Variants in SUCO observed in about 807,000 individuals in gnomAD.
The protein encoded by SUCO is SUN domain containing ossification factor.
A neutral mutation model predicts 148.1 loss-of-function variants in SUCO; 57 were observed. That is an observed-to-expected ratio of 0.38 (90% CI 0.31 to 0.48). SUCO has a LOEUF of 0.48. Among genes scored for constraint, SUCO ranks in the 20% least tolerant of loss-of-function variants. The pLI, the probability that SUCO is intolerant of heterozygous loss-of-function variation, is 0.96. For missense variants in SUCO, 1,331 were observed against 1,468.2 expected (o/e 0.91, Z 1.53); for synonymous variants, 470 against 502.7 (o/e 0.93, Z 0.87).
intron 11 of SUCO, among the ~76,000 whole-genome samples, chr1:172,576,030 A>G (rs1359314434): frequency 6.6e-6 from 1 of 151,870 alleles, no homozygotes; most frequent in Non-Finnish European, 1.5e-5. Flanking sequence ...ACGTCCACTT[A>G]TTTGGCATTG....
Position 172,600,081 on chromosome 1 carries a change from A to G in SUCO, c.2931A>G (p.Glu977=). 1.2e-6 allele frequency: 2 copies of G among 1,605,466 alleles called. No individual in the cohort carries two copies. Among genetic ancestry groups the G allele is most frequent in the Non-Finnish European group, 1.7e-6 (2 of 1,178,050 alleles). ...TATCATAGGATCAGCGGCAAACTGA[A>G]GCCATCCAGTTGCTACAGGCACAGC... The part of the protein sequence containing the change: ...IAEEQDQRQT[E]AIQLLQAQLT... Residue 977 remains glutamate (E), a synonymous_variant, in exon 20 of 24, where the codon GAA becomes GAG. Transcript: ENST00000263688.
At chr1:172,564,605 CTT>C (rs57265081) in intron 6 of SUCO, among the ~76,000 whole-genome samples, 4,662 of 144,564 alleles carry the variant, frequency 0.032, 214 homozygotes, top group African/African-American at 0.11. Flanking sequence ...TTCAGTTAAA[CTT>C]TTTTTTTTTT....
rs539577143 is a variant in SUCO, at chr1:172,579,968, G to A, written c.1498+701G>A. Among the ~76,000 whole-genome samples the A allele has an allele frequency of 3.9e-5, 6 of 152,068 alleles. No individual in the cohort carries two copies. The South Asian group carries it at 1.0e-3, about 26-fold the overall frequency. Reference sequence around the variant, plus strand: ...AATAAAAACAAATCTTAGTAAAATCGAAGACTAGTTGCGTGTGCTTGTCAC... The same window carrying A: ...AATAAAAACAAATCTTAGTAAAATCAAAGACTAGTTGCGTGTGCTTGTCAC... On this transcript the variant is annotated intron_variant, in intron 15 of 23. Coordinates refer to ENST00000263688, the MANE Select transcript of SUCO (RefSeq NM_014283.5).
intron 1 of SUCO, among the ~76,000 whole-genome samples, chr1:172,534,048 G>A (rs1651832157): frequency 6.6e-6 from 1 of 152,218 alleles, no homozygotes; most frequent in South Asian, 2.1e-4. Flanking sequence ...GGGCGTGTGT[G>A]TATGTGTGTT....
At chr1:172,557,571 A>G in intron 5 of SUCO, 73 bp from the exon 6 acceptor site, 1 of 1,480,856 alleles carries the variant, frequency 6.8e-7, no homozygotes, top group Non-Finnish European at 9.1e-7. Context: ...CATGAGTTCA[A>G]AGAATTTAGA....
chr1:172,540,825 T>A (rs1652397038), intron 1 of SUCO, among the ~76,000 whole-genome samples: 1 of 152,110 alleles, frequency 6.6e-6, no homozygotes, highest in South Asian at 2.1e-4. Context: ...GAGTTATGAA[T>A]GGAAGAGATA....
At chr1:172,590,370 T>G (rs879780673) in intron 18 of SUCO, 42 of 985,106 alleles carry the variant, frequency 4.3e-5, no homozygotes, top group Non-Finnish European at 4.9e-5. Flanking sequence ...TGGGCACATT[T>G]GCAGTTTGCT....
chr1:172,559,415 T>C (rs1031390017), intron 6 of SUCO, among the ~76,000 whole-genome samples: 13 of 152,314 alleles, frequency 8.5e-5, no homozygotes, highest in East Asian at 7.7e-4. Context: ...ATTTTCTCAA[T>C]GTATCTGATG....
intron 18 of SUCO, among the ~76,000 whole-genome samples, chr1:172,590,718 G>T (rs1490481602): frequency 6.6e-6 from 1 of 152,150 alleles, no homozygotes; most frequent in Non-Finnish European, 1.5e-5. Flanking sequence ...TCATGTGTGT[G>T]TGTGTGTTCA....
chr1:172,557,212 G>A, intron 4 of SUCO, 68 bp from the exon 5 acceptor site: 1 of 1,534,000 alleles, frequency 6.5e-7, no homozygotes, highest in Non-Finnish European at 8.8e-7. Flanking sequence ...ATCACTAATA[G>A]TGTTTTTAAT....
chr1:172,591,113 C>T (rs964873883), intron 19 of SUCO, 42 bp downstream of exon 19: 6 of 1,467,878 alleles, frequency 4.1e-6, no homozygotes, highest in Non-Finnish European at 4.7e-6. Context: ...TATAAATTTC[C>T]ACTGAATTCT....
In SUCO at chr1:172,589,790, C is replaced by T; in HGVS notation, c.2689C>T (p.Leu897=). Residue 897 remains leucine (L), a synonymous_variant, in exon 18 of 24, where the codon CTA becomes TTA. Coordinates refer to ENST00000263688, the MANE Select transcript of SUCO (RefSeq NM_014283.5). ...FYAELQNSTD[L]GYANGNLVHG... ...TGCTGAATTGCAAAATTCTACAGAT[C>T]TAGGATATGCTAATGGAAATCTTGT... The T allele has an allele frequency of 6.2e-7, 1 of 1,612,020 alleles. No individual in the cohort carries two copies. The highest frequency in any genetic ancestry group is 8.5e-7 in the Non-Finnish European group (1 of 1,179,264).
chr1:172,599,335 A>T (rs1485482276), intron 19 of SUCO: 29 of 430,732 alleles, frequency 6.7e-5, no homozygotes, highest in Middle Eastern at 1.1e-3. Flanking sequence ...TCTCAAAAAA[A>T]AATAAAAGTT....
chr1:172,574,268 C>G (rs1349598571), intron 10 of SUCO, among the ~76,000 whole-genome samples: 1 of 152,014 alleles, frequency 6.6e-6, no homozygotes, highest in South Asian at 2.1e-4. Flanking sequence ...GTGCCTTGCC[C>G]AGGTCACATG....
chr1:172,551,724 TA>T (rs1653314778), intron 2 of SUCO, 98 bp downstream of exon 2: 1 of 733,500 alleles, frequency 1.4e-6, no homozygotes, highest in Non-Finnish European at 2.2e-6. Flanking sequence ...TGCCATGCCA[TA>T]ATTTTTGGTG....
intron 1 of SUCO, among the ~76,000 whole-genome samples, chr1:172,543,846 A>G (rs547662676): frequency 8.5e-5 from 13 of 152,180 alleles, no homozygotes; most frequent in South Asian, 4.1e-4. Flanking sequence ...CTATTAGCAG[A>G]TAGACCAAGC....
intron 9 of SUCO, among the ~76,000 whole-genome samples, chr1:172,571,644 A>AGGAAG (rs1405782299): frequency 2.2e-4 from 26 of 120,192 alleles, no homozygotes; most frequent in African/African-American, 8.0e-4. Flanking sequence ...CATCCCATCT[A>AGGAAG]TGAAGTGAGG....
At position 172,553,302 on chromosome 1, in the gene SUCO, T is replaced by A. The variant is rs1312995390; in HGVS notation, c.220T>A (p.Ser74Thr). 1 of 1,601,620 alleles carries A rather than the reference T, an allele frequency of 6.2e-7. No individual in the cohort carries two copies. The highest frequency in any genetic ancestry group is 8.5e-7 in the Non-Finnish European group (1 of 1,172,042). The change falls in exon 3 of 24, where the codon TCA becomes ACA. Residue 74 changes from serine to threonine, a missense_variant. This residue lies in a region of SUCO where 992 missense variants were observed against 1,093.5 expected (regional missense o/e 0.91). Coordinates refer to ENST00000263688, the MANE Select transcript of SUCO (RefSeq NM_014283.5). ...GPINAESLGK[S>T]GSNLPISPKE... ...TATCAATGCCGAATCATTGGGAAAA[T>A]CAGGTTCAAATTTACCTATTTCTCC...
At position 172,574,043 on chromosome 1, in the gene SUCO, A is replaced by T. The variant is rs560470021; in HGVS notation, c.1157+45A>T. The T allele has an allele frequency of 2.6e-6, 3 of 1,166,576 alleles. No homozygotes were observed. The Admixed American group carries it at 7.4e-5, about 29-fold the overall frequency. 72.3% of individuals were successfully genotyped at this position (1,166,576 alleles called of 1,614,324 possible). A position where few individuals can be genotyped will look rare whatever the true frequency, so the allele number is the denominator to read the frequency against. On this transcript the variant is annotated intron_variant, in intron 10 of 23. Transcript: ENST00000263688. ...CTATAGGGTCTATGTTGGATCTCTG[A>T]AAAAAAGAAAAACAAAAAAACAAAA...
Sources: allele counts gnomAD v4.1 joint callset (sites outside exome capture counted in the v4.1 genomes callset), GRCh38; gene constraint gnomAD v4.1.1; regional missense constraint gnomAD v4.1.1; transcripts MANE v1.5; gene names NCBI Gene and HGNC (gene_info 2026-07-23, HGNC 2026-07-21).